The following ANK2 variants were observed in gnomAD, a reference collection of about 807,000 sequenced individuals.
ANK2 encodes the protein ankyrin-2.
A neutral mutation model predicts 360.5 loss-of-function variants in ANK2; 83 were observed. The ratio of observed to expected loss-of-function variants is 0.23; its 90% confidence interval spans 0.19 to 0.28. ANK2 has a LOEUF of 0.28. ANK2 is among the 10% of genes least tolerant of loss of function. ANK2 has a pLI of 1.00. For missense variants in ANK2, 4,201 were observed against 4,795.7 expected (o/e 0.88, Z 3.66); for synonymous variants, 1,740 against 1,759.5 (o/e 0.99, Z 0.28).
At chr4:112,868,927 A>G (rs2071716804) in intron 1 of ANK2, among the ~76,000 whole-genome samples, 1 of 152,100 alleles carries the variant, frequency 6.6e-6, no homozygotes, top group African/African-American at 2.4e-5. Flanking sequence ...CAAATATTTT[A>G]TCCCATTCTA....
the ANK2 span, among the ~76,000 whole-genome samples, chr4:112,775,683 G>A: frequency 6.6e-6 from 1 of 152,170 alleles, no homozygotes; most frequent in African/African-American, 2.4e-5. Context: ...TAGGAAGATG[G>A]AAGTATATCA....
At chr4:112,780,938 A>T in the ANK2 span, among the ~76,000 whole-genome samples, 1 of 152,244 alleles carries the variant, frequency 6.6e-6, no homozygotes, top group African/African-American at 2.4e-5. Context: ...ACTATTTGTT[A>T]TACTTTAATG....
intron 1 of ANK2, among the ~76,000 whole-genome samples, chr4:112,895,934 G>A (rs2081603070): frequency 6.6e-6 from 1 of 152,242 alleles, no homozygotes; most frequent in Admixed American, 6.5e-5. Flanking sequence ...CAGCGTTGCT[G>A]CATTGTGGCC....
At chr4:113,343,261 T>A in intron 34 of ANK2, 119 bp downstream of exon 34, 2 of 1,171,566 alleles carry the variant, frequency 1.7e-6, no homozygotes, top group Non-Finnish European at 2.4e-6. Flanking sequence ...TTTTTAACCA[T>A]ATTTGTAACG....
chr4:112,949,911 A>T (rs968545267), intron 2 of ANK2, among the ~76,000 whole-genome samples: 4 of 152,222 alleles, frequency 2.6e-5, no homozygotes, highest in East Asian at 1.9e-4. Context: ...ATAATGAGAT[A>T]TCATTAAGAA....
At chr4:113,245,396 C>G (rs1001268254) in intron 9 of ANK2, among the ~76,000 whole-genome samples, 1 of 152,026 alleles carries the variant, frequency 6.6e-6, no homozygotes, top group Non-Finnish European at 1.5e-5. Context: ...AAGAACTGCC[C>G]GAGATTGGGT....
At chr4:113,052,518 G>A (rs1310978429) in intron 1 of ANK2, among the ~76,000 whole-genome samples, 1 of 152,168 alleles carries the variant, frequency 6.6e-6, no homozygotes. Flanking sequence ...TCTTCTGAGG[G>A]ACAGAGCTAA....
rs201693280 is a variant in ANK2 at position 113,355,801 on chromosome 4, A to C, written c.7183A>C (p.Thr2395Pro). ...GGCTTCTGTAAAGACAGATACAGGAACTGAATCAAAACCTCAGGGAGTCAT... is the reference window on the plus strand; with the variant it reads ...GGCTTCTGTAAAGACAGATACAGGACCTGAATCAAAACCTCAGGGAGTCAT... The part of the protein sequence containing the change: ...PEASVKTDTG[T>P]ESKPQGVIRS... Residue 2395 changes from threonine (T) to proline (P), a missense_variant, in exon 38 of 46, where the codon ACT becomes CCT. Thr to Pro is a conservative substitution (Grantham distance 38, BLOSUM62 -1). Transcript: ENST00000357077. The C allele has an allele frequency of 1.3e-4, 206 of 1,614,106 alleles. No individual in the cohort carries two copies. Among genetic ancestry groups the C allele is most frequent in the Middle Eastern group, 8.3e-4 (5 of 6,058 alleles).
chr4:113,285,950 T>C (rs1157223025), intron 18 of ANK2, among the ~76,000 whole-genome samples: 1 of 152,224 alleles, frequency 6.6e-6, no homozygotes, highest in Non-Finnish European at 1.5e-5. Flanking sequence ...AAAACCTATA[T>C]TCACTGCAGT....
chr4:112,836,121 G>A (rs1487897109), intron 1 of ANK2, among the ~76,000 whole-genome samples: 1 of 152,102 alleles, frequency 6.6e-6, no homozygotes, highest in African/African-American at 2.4e-5. Flanking sequence ...TGTTGAAGGA[G>A]GGACCTGATG....
rs189528716 is a variant in ANK2, at chr4:113,202,634, A to C, written c.384+3525A>C. ...TTATTTTTGAATTAAGAAGATAACA[A>C]ATTTTCTGAAAAAACCTTCAAGGAA... is the stretch of plus-strand genomic sequence containing the variant. On this transcript the variant is annotated intron_variant, in intron 4 of 45. Transcript: ENST00000357077. Among the ~76,000 whole-genome samples the C allele has an allele frequency of 3.1e-3, 469 of 152,378 alleles. 1 individual carries two copies. Among genetic ancestry groups the C allele is most frequent in the Admixed American group, 4.2e-3 (64 of 15,312 alleles).
intron 2 of ANK2, among the ~76,000 whole-genome samples, chr4:112,928,338 T>C (rs1214141234): frequency 6.6e-6 from 1 of 152,086 alleles, no homozygotes; most frequent in Non-Finnish European, 1.5e-5. Context: ...AATAGTATGG[T>C]ACTATAAAAA....
chr4:112,989,927 G>A (rs1350929555), intron 2 of ANK2, among the ~76,000 whole-genome samples: 1 of 152,158 alleles, frequency 6.6e-6, no homozygotes, highest in Non-Finnish European at 1.5e-5. Context: ...AATAGGAATT[G>A]TTGAAATTGT....
At chr4:112,957,210 ATGACTCTTAACG>A (rs2095382004) in intron 2 of ANK2, among the ~76,000 whole-genome samples, 1 of 151,330 alleles carries the variant, frequency 6.6e-6, no homozygotes, top group Non-Finnish European at 1.5e-5. Context: ...GGGAGTGGTG[ATGACTCTTAACG>A]AGCATGCTGC....
chr4:113,134,122 A>G (rs182395938), intron 1 of ANK2, among the ~76,000 whole-genome samples: 1 of 152,060 alleles, frequency 6.6e-6, no homozygotes, highest in Non-Finnish European at 1.5e-5. Context: ...AATAGCATCA[A>G]GGCCGATTTC....
chr4:112,935,401 G>C (rs2093644067), intron 2 of ANK2, among the ~76,000 whole-genome samples: 1 of 152,092 alleles, frequency 6.6e-6, no homozygotes, highest in Admixed American at 6.5e-5. Context: ...CTTCTGATGG[G>C]GCAGGCATAG....
chr4:112,739,621 A>G, the ANK2 span, among the ~76,000 whole-genome samples: 1 of 152,128 alleles, frequency 6.6e-6, no homozygotes, highest in Non-Finnish European at 1.5e-5. Flanking sequence ...CTGGGAAACA[A>G]AAAGAGATCT....
chr4:112,978,453 CTG>C (rs2042113599), intron 2 of ANK2, among the ~76,000 whole-genome samples: 1 of 152,158 alleles, frequency 6.6e-6, no homozygotes, highest in Non-Finnish European at 1.5e-5. Context: ...AACTGAAACT[CTG>C]TACACATTAA....
Position 113,274,477 on chromosome 4 carries a change from C to T in ANK2, c.1511C>T (p.Ala504Val), listed in dbSNP as rs1303233267. Residue 504 changes from alanine to valine, a missense_variant, in exon 15 of 46, where the codon GCC becomes GTC. Physicochemically the swap from Ala to Val is moderately conservative, Grantham distance 64. Transcript: ENST00000357077. The part of the protein sequence containing the change: ...AREEQTPLHI[A>V]SRLGKTEIVQ... The stretch of plus-strand genomic sequence containing the variant: ...GAGGAACAGACACCTTTACATATTG[C>T]CTCCCGCCTGGGTAAGACAGAAATT... 1.9e-6 allele frequency: 3 copies of T among 1,614,068 alleles called. No homozygotes were observed. The highest frequency in any genetic ancestry group is 2.7e-5 in the African/African-American group (2 of 74,924).
Sources: gnomAD v4.1 joint callset for allele counts (sites outside exome capture counted in the v4.1 genomes callset) on GRCh38, gnomAD v4.1.1 for gene constraint, MANE v1.5 for transcripts, NCBI Gene and HGNC (gene_info 2026-07-23, HGNC 2026-07-21) for gene names.